Variants in ZNF680 observed in about 807,000 individuals in gnomAD.
ZNF680 encodes zinc finger protein 680.
Under a neutral mutation model 12.1 loss-of-function variants are expected in ZNF680, and 6 were observed. The ratio of observed to expected loss-of-function variants is 0.49; its 90% CI spans 0.27 to 0.98. The LOEUF (loss-of-function observed/expected upper bound fraction) is 0.98, where lower values mean the gene tolerates loss of function less well. Among genes scored for constraint, ZNF680 ranks in the 50% least tolerant of loss-of-function variants. The pLI is 0.12. For synonymous variants in ZNF680, 170 were observed against 199.3 expected, an observed-to-expected ratio of 0.85 and a Z score of 1.24; for missense variants, 561 against 616.3, an observed-to-expected ratio of 0.91 and a Z score of 0.95.
At chr7:64,501,844 C>T in the ZNF680 span, 1 of 552,876 alleles carries the variant, frequency 1.8e-6, no homozygotes, top group East Asian at 3.7e-5. Context: ...TGCTCATTGT[C>T]CTTGTCTTTC....
chr7:64,521,348 T>C lies in ZNF680; in HGVS notation c.1406A>G (p.Asn469Ser), dbSNP rs545658887. The C allele has an allele frequency of 1.1e-5, 17 of 1,613,602 alleles. No individual in the cohort carries two copies. In the African/African-American group the frequency reaches 1.3e-4, roughly 13 times the overall value. ...AAGAGTTGCAGGCCAGTTAAAAACATTGCCACATTCATCACATTTGTAGGA... is the reference window on the plus strand; with the variant it reads ...AAGAGTTGCAGGCCAGTTAAAAACACTGCCACATTCATCACATTTGTAGGA... The part of the protein sequence containing the change: ...EKSYKCDECG[N>S]VFNWPATLAN... The change falls in exon 4 of 4, where the codon AAT becomes AGT. Residue 469 changes from asparagine (N) to serine (S), a missense_variant. By Grantham distance (46) the Asn-to-Ser change is conservative. Transcript: ENST00000309683.
intron 3 of ZNF680, 28 bp from the exon 4 acceptor site, chr7:64,522,528 A>G (rs1372605473): frequency 1.4e-6 from 2 of 1,391,268 alleles, no homozygotes; most frequent in Non-Finnish European, 9.4e-7. Flanking sequence ...AACAAATTAC[A>G]CCACTTCCTA....
chr7:64,523,779 G>C (rs1269150403), intron 3 of ZNF680, among the ~76,000 whole-genome samples: 2 of 151,992 alleles, frequency 1.3e-5, no homozygotes, highest in Non-Finnish European at 2.9e-5. Context: ...TGGGCATGGT[G>C]GTGGGCGCCT....
In ZNF680 at chr7:64,521,547, C is replaced by G; in HGVS notation, c.1207G>C (p.Glu403Gln). The G allele has an allele frequency of 1.2e-6, 2 of 1,613,212 alleles. No homozygotes were observed. Among genetic ancestry groups the G allele is most frequent in the Non-Finnish European group, 1.7e-6 (2 of 1,179,818 alleles). The change falls in exon 4 of 4, where the codon GAG becomes CAG. Residue 403 changes from glutamate to glutamine, a missense_variant. Transcript: ENST00000309683. The part of the protein sequence containing the change: ...LTEHMRIHTG[E>Q]KPYKCEECGK... Reference sequence around the variant, plus strand: ...CATTCTTCACATTTGTAGGGTTTCTCTCCAGTATGAATTCTCATATGTTCA... The same window carrying G: ...CATTCTTCACATTTGTAGGGTTTCTGTCCAGTATGAATTCTCATATGTTCA...
chr7:64,528,506 G>A (rs528718657), intron 3 of ZNF680, among the ~76,000 whole-genome samples: 32 of 152,294 alleles, frequency 2.1e-4, no homozygotes, highest in Non-Finnish European at 3.8e-4. Context: ...AGTAAGACCA[G>A]CCCTTTGGAT....
rs546579856 is a variant in ZNF680, at chr7:64,553,747, G to A, written c.30+9178C>T. Among the ~76,000 whole-genome samples, 325 of 152,334 alleles carry A rather than the reference G, an allele frequency of 2.1e-3. 3 individuals are homozygous for A. The highest frequency in any genetic ancestry group is 7.4e-3 in the African/African-American group (307 of 41,582). ...ATTGCAGGCGCGCGCCGCCACGCCA[G>A]ACTGGTTTTCGCATTTTTTGGTGGA... On this transcript the variant is annotated intron_variant, in intron 1 of 3. Coordinates refer to ENST00000309683, the MANE Select transcript of ZNF680 (RefSeq NM_178558.5).
At chr7:64,553,734 C>T (rs943592860) in intron 1 of ZNF680, among the ~76,000 whole-genome samples, 2 of 150,814 alleles carry the variant, frequency 1.3e-5, no homozygotes, top group Non-Finnish European at 3.0e-5. Context: ...TGCAGGCGCG[C>T]GCCGCCACGC....
At chr7:64,501,606 G>A in the ZNF680 span, 7 of 763,978 alleles carry the variant, frequency 9.2e-6, no homozygotes, top group Middle Eastern at 5.6e-4. Flanking sequence ...TGAGGAGGGG[G>A]ATCTACTGGA....
At chr7:64,556,423 G>A (rs1787420210) in intron 1 of ZNF680, among the ~76,000 whole-genome samples, 3 of 152,072 alleles carry the variant, frequency 2.0e-5, no homozygotes, top group African/African-American at 7.2e-5. Context: ...CATGATACTG[G>A]TACAAACACA....
At chr7:64,541,980 T>G (rs774557108) in intron 3 of ZNF680, among the ~76,000 whole-genome samples, 2 of 152,194 alleles carry the variant, frequency 1.3e-5, no homozygotes, top group Non-Finnish European at 2.9e-5. Context: ...AAAGCCATAC[T>G]CATCCACATT....
intron 1 of ZNF680, among the ~76,000 whole-genome samples, chr7:64,557,033 G>C (rs112927422): frequency 0.026 from 3,948 of 152,018 alleles, 107 homozygotes; most frequent in African/African-American, 0.057. Context: ...GGCGGATCAC[G>C]AGGCCAGGAG....
chr7:64,535,464 GA>G (rs148104440), intron 3 of ZNF680, among the ~76,000 whole-genome samples: 33,986 of 151,164 alleles, frequency 0.22, 4,029 homozygotes, highest in South Asian at 0.28. Flanking sequence ...GAGAGAAAGA[GA>G]AAAAGAAATA....
At chr7:64,510,917 A>AAT in the ZNF680 span, among the ~76,000 whole-genome samples, 1 of 19,812 alleles carries the variant, frequency 5.0e-5, no homozygotes, top group African/African-American at 5.8e-4. Flanking sequence ...CTCAAAAAAA[A>AAT]AAAATAAAAA....
intron 3 of ZNF680, among the ~76,000 whole-genome samples, chr7:64,523,315 T>G (rs1313318859): frequency 6.6e-6 from 1 of 152,046 alleles, no homozygotes; most frequent in African/African-American, 2.4e-5. Context: ...TTCTACCAGA[T>G]TATAATGTAT....
At chr7:64,550,881 G>A (rs1328369120) in intron 1 of ZNF680, among the ~76,000 whole-genome samples, 1 of 152,174 alleles carries the variant, frequency 6.6e-6, no homozygotes, top group Non-Finnish European at 1.5e-5. Flanking sequence ...TTTATGTCAT[G>A]TCTGGTAATT....
At chr7:64,529,539 G>A (rs528402378) in intron 3 of ZNF680, among the ~76,000 whole-genome samples, 8 of 152,100 alleles carry the variant, frequency 5.3e-5, no homozygotes, top group African/African-American at 1.9e-4. Context: ...ATGAATAGAA[G>A]AAAGAAATTC....
the ZNF680 span, chr7:64,501,382 T>C: frequency 8.3e-7 from 1 of 1,200,556 alleles, no homozygotes. Context: ...GTCTGGAAAG[T>C]TGAAAGGAGA....
chr7:64,522,635 A>G, intron 3 of ZNF680, 135 bp from the exon 4 acceptor site: 1 of 210,698 alleles, frequency 4.7e-6, no homozygotes, highest in Middle Eastern at 2.2e-3. Flanking sequence ...CCTAAAAGTT[A>G]AAAAAAAAAA....
chr7:64,521,466 T>C lies in ZNF680; in HGVS notation c.1288A>G (p.Arg430Gly), dbSNP rs757998471. ...TCTTCACATTTGTAGGTATTCTCTC[T>C]AGTGTGAATTCTCTTATGTCGAGTA... ...SLTRHKRIHT[R>G]ENTYKCEECG... is the part of the protein sequence containing the mutation. Residue 430 changes from arginine to glycine, a missense_variant, in exon 4 of 4, where the codon AGA (arginine) becomes GGA (glycine). Transcript: ENST00000309683. 10 of 1,612,360 alleles carry C rather than the reference T, an allele frequency of 6.2e-6. No homozygotes were observed. The highest frequency in any genetic ancestry group is 8.5e-6 in the Non-Finnish European group (10 of 1,179,350).
Sources: gnomAD v4.1 joint callset for allele counts (sites outside exome capture counted in the v4.1 genomes callset) on GRCh38, gnomAD v4.1.1 for gene constraint, MANE v1.5 for transcripts, NCBI Gene and HGNC (gene_info 2026-07-23, HGNC 2026-07-21) for gene names.